The following TBRG4 variants were observed in gnomAD, a reference collection of about 807,000 sequenced individuals.
TBRG4 encodes the protein FAST kinase domain-containing protein 4.
In TBRG4, 43 loss-of-function variants were observed where a neutral mutation model predicts 65.6. The ratio of observed to expected loss-of-function variants is 0.66; its 90% CI spans 0.51 to 0.85. The LOEUF (loss-of-function observed/expected upper bound fraction) is 0.85, where lower values mean the gene tolerates loss of function less well. Among genes scored for constraint, TBRG4 ranks in the 40% least tolerant of loss-of-function variants. The pLI is 0.00. For missense variants in TBRG4, 709 were observed against 787.9 expected (o/e 0.90, Z 1.20); for synonymous variants, 366 against 341.4 (o/e 1.07, Z -0.79).
In TBRG4 at chr7:45,103,802, T is replaced by C. The variant is rs564816671; in HGVS notation, c.1065+297A>G. 62 of 531,126 alleles carry C rather than the reference T, an allele frequency of 1.2e-4. 1 individual carries two copies. The highest frequency in any genetic ancestry group is 8.9e-4 in the African/African-American group (47 of 52,942). 32.9% of individuals were successfully genotyped at this position (531,126 alleles called of 1,614,324 possible). On this transcript the variant is annotated intron_variant, in intron 5 of 10. Transcript: ENST00000258770. Reference sequence around the variant, plus strand: ...TTTGCGAGGGGGATCAGTGATTCAGTAGACAGTTCTCAGTGGATTCTCAGT... The same window carrying C: ...TTTGCGAGGGGGATCAGTGATTCAGCAGACAGTTCTCAGTGGATTCTCAGT...
rs911338246 is a variant in TBRG4, at chr7:45,103,932, AGAACT to A, written c.1065+162_1065+166del. 3 of 939,338 alleles carry A rather than the reference AGAACT, an allele frequency of 3.2e-6. No homozygotes were observed. In the African/African-American group the frequency reaches 5.0e-5, roughly 16 times the overall value. The allele number at this position is 939,338 out of a possible 1,614,324, so 58.2% of individuals were successfully genotyped here. On this transcript the variant is annotated intron_variant, in intron 5 of 10. Coordinates refer to ENST00000258770, the MANE Select transcript of TBRG4 (RefSeq NM_004749.4). ...GAAACAGTTCTCAAACACTTTTTTG[AGAACT>A]GAATAGCAGCCCTTTCAAAATAAGC... is the stretch of plus-strand genomic sequence containing the variant.
At chr7:45,111,531 TCCCAGCCTG>T in intron 1 of TBRG4, 103 bp downstream of exon 1, 1 of 1,217,072 alleles carries the variant, frequency 8.2e-7, no homozygotes, top group South Asian at 1.3e-5. Flanking sequence ...TCCCACCGCG[TCCCAGCCTG>T]CTCCCCAGTT....
intron 3 of TBRG4, 117 bp from the exon 4 acceptor site, chr7:45,104,826 T>C (rs1784886485): frequency 6.8e-7 from 1 of 1,468,012 alleles, no homozygotes; most frequent in African/African-American, 1.4e-5. Context: ...CCTGTCAGAC[T>C]GGGCCTGAGC....
At chr7:45,109,499 C>T (rs1785063294) in intron 1 of TBRG4, among the ~76,000 whole-genome samples, 1 of 152,218 alleles carries the variant, frequency 6.6e-6, no homozygotes, top group Admixed American at 6.5e-5. Context: ...AACTCAGGAA[C>T]ATTACAGCCT....
Position 45,105,755 on chromosome 7 carries a change from C to T in TBRG4, c.421G>A (p.Val141Ile), listed in dbSNP as rs1784932251. 8 of 1,606,088 alleles carry T rather than the reference C, an allele frequency of 5.0e-6. No homozygotes were observed. The highest frequency in any genetic ancestry group is 6.8e-6 in the Non-Finnish European group (8 of 1,174,790). The change falls in exon 3 of 11, where the codon GTC becomes ATC. Residue 141 changes from valine (V) to isoleucine (I), a missense_variant. Val to Ile is a conservative substitution (Grantham distance 29, BLOSUM62 3). Transcript: ENST00000258770. ...AGCTTCGAGAGGGTACCATGCCAGA[C>T]CGAGGCAATCTAGGCAGAGAAAGGA... ...LCLLNSQIASVWHGTLSKLLG... is the reference protein window; with the variant it reads ...LCLLNSQIASIWHGTLSKLLG...
chr7:45,103,168 A>C, intron 6 of TBRG4, 165 bp downstream of exon 6: 1 of 643,958 alleles, frequency 1.6e-6, no homozygotes, highest in Non-Finnish European at 2.8e-6. Flanking sequence ...GTTCTCAGTA[A>C]TCCCTAGGAT....
At chr7:45,102,568 C>T (rs1784803488) in intron 6 of TBRG4, 77 bp from the exon 7 acceptor site, 4 of 1,554,678 alleles carry the variant, frequency 2.6e-6, no homozygotes, top group Non-Finnish European at 3.5e-6. Context: ...AGACACAATC[C>T]ATGATGTGGT....
rs17452697 is a variant in TBRG4, at chr7:45,101,366, C to T, written c.1686G>A (p.Ala562=). The change falls in exon 10 of 11, where the codon GCG becomes GCA. Residue 562 remains alanine (A), a synonymous_variant. Coordinates refer to ENST00000258770, the MANE Select transcript of TBRG4 (RefSeq NM_004749.4). ...AGTTGGGGAACTCCCACCGCAAGAA[C>T]GCTAGCCTGGAAGGAAGAAGAGGTG... ...QSPPPGSKRL[A]FLRWEFPNFN... 7.7e-3 allele frequency: 12,395 copies of T among 1,613,930 alleles called. 114 individuals carry two copies. Among genetic ancestry groups the T allele is most frequent in the South Asian group, 0.027 (2,472 of 91,076 alleles).
Position 45,102,461 on chromosome 7 carries a change from C to T in TBRG4, c.1207G>A (p.Gly403Ser). The change falls in exon 7 of 11, where the codon GGC (glycine) becomes AGC (serine). Residue 403 changes from glycine (G) to serine (S), a missense_variant. By Grantham distance (56) the Gly-to-Ser change is moderately conservative. Coordinates refer to ENST00000258770, the MANE Select transcript of TBRG4 (RefSeq NM_004749.4). ...TCCACCTGCAGGGCTGGCTCCAGGC[C>T]TGGCAGCTCTGACCCCAGCTTCTCA... ...VHEKLGSELP[G>S]LEPALQVDLV... 1.2e-6 allele frequency: 2 copies of T among 1,612,418 alleles called. No homozygotes were observed. The highest frequency in any genetic ancestry group is 1.1e-5 in the South Asian group (1 of 91,052).
chr7:45,102,539 C>T, intron 6 of TBRG4, 48 bp from the exon 7 acceptor site: 1 of 1,587,042 alleles, frequency 6.3e-7, no homozygotes, highest in Non-Finnish European at 8.5e-7. Flanking sequence ...TCCTTAGGGG[C>T]TGCAAATAGC....
rs549630461 is a variant in TBRG4, at chr7:45,100,288, C to T, written c.*37G>A. 31 of 1,580,554 alleles carry T rather than the reference C, an allele frequency of 2.0e-5. No individual in the cohort carries two copies. Among genetic ancestry groups the T allele is most frequent in the African/African-American group, 9.4e-5 (7 of 74,538 alleles). ...TCTTGGCCGCCCACAGCTAGACCTC[C>T]GGCGGAGAGGCACGCAGTCCATGCT... On this transcript the variant is annotated 3_prime_UTR_variant, in exon 11 of 11. Coordinates refer to ENST00000258770, the MANE Select transcript of TBRG4 (RefSeq NM_004749.4).
chr7:45,103,261 G>T, intron 6 of TBRG4, 72 bp downstream of exon 6: 2 of 1,290,162 alleles, frequency 1.6e-6, no homozygotes, highest in Non-Finnish European at 2.2e-6. Context: ...AGCTGATCTT[G>T]GGAGGACGGT....
In TBRG4 at chr7:45,101,922, G is replaced by A. The variant is rs764907052; in HGVS notation, c.1470C>T (p.Thr490=). 2.1e-5 allele frequency: 34 copies of A among 1,610,694 alleles called. No individual in the cohort carries two copies. Among genetic ancestry groups the A allele is most frequent in the Non-Finnish European group, 2.8e-5 (33 of 1,178,944 alleles). ...TCTCCTGCAGCTCCTTTTGCAGGGGGGTCACCTTCCTGTCAAGGGCTGAGG... is the reference window on the plus strand; with the variant it reads ...TCTCCTGCAGCTCCTTTTGCAGGGGAGTCACCTTCCTGTCAAGGGCTGAGG... The part of the protein sequence containing the change: ...PGPSALDRKV[T]PLQKELQETL... Residue 490 remains threonine (T), a synonymous_variant, in exon 8 of 11, where the codon ACC becomes ACT. Transcript: ENST00000258770.
chr7:45,103,106 A>AC lies in TBRG4; in HGVS notation c.1176+226dup, dbSNP rs1584026511. On this transcript the variant is annotated intron_variant, in intron 6 of 10. Transcript: ENST00000258770. ...CATTAAAAGGAGCACCAGAGGCAGG[A>AC]CCCCCCAGCGCTGCCTGGCAGGGCA... The AC allele has an allele frequency of 9.6e-5, 55 of 574,978 alleles. 1 individual carries two copies. The East Asian group carries it at 1.5e-3, about 16-fold the overall frequency. 35.6% of individuals were successfully genotyped at this position (574,978 alleles called of 1,614,324 possible).
chr7:45,103,261 G>C (rs1374014677), intron 6 of TBRG4, 72 bp downstream of exon 6: 1 of 1,290,044 alleles, frequency 7.8e-7, no homozygotes, highest in Non-Finnish European at 1.1e-6. Flanking sequence ...AGCTGATCTT[G>C]GGAGGACGGT....
At chr7:45,101,201 C>T in intron 10 of TBRG4, 57 bp downstream of exon 10, 1 of 1,549,194 alleles carries the variant, frequency 6.5e-7, no homozygotes, top group Non-Finnish European at 8.8e-7. Context: ...GATCCCCTCT[C>T]TAGCGTGGGT....
intron 6 of TBRG4, 63 bp downstream of exon 6, chr7:45,103,270 G>T: frequency 7.2e-7 from 1 of 1,382,634 alleles, no homozygotes; most frequent in Non-Finnish European, 1.0e-6. Context: ...TGGGAGGACG[G>T]TTCATGAGCC....
At position 45,105,514 on chromosome 7, in the gene TBRG4, G is replaced by C. The variant is rs1246895319; in HGVS notation, c.662C>G (p.Ser221Cys). ...LERRWTEIEDSHTLVTVMMKV... is the reference protein window; with the variant it reads ...LERRWTEIEDCHTLVTVMMKV... ...CATCATGACGGTCACTAATGTGTGG[G>C]AATCTTCAATTTCTGTCCAACGCCT... Residue 221 changes from serine to cysteine, a missense_variant, in exon 3 of 11, where the codon TCC (serine) becomes TGC (cysteine). Physicochemically the swap from Ser to Cys is moderately radical, Grantham distance 112. Coordinates refer to ENST00000258770, the MANE Select transcript of TBRG4 (RefSeq NM_004749.4). 10 of 1,614,068 alleles carry C rather than the reference G, an allele frequency of 6.2e-6. No individual in the cohort carries two copies. Among genetic ancestry groups the C allele is most frequent in the African/African-American group, 1.3e-5 (1 of 74,948 alleles).
intron 10 of TBRG4, 88 bp downstream of exon 10, chr7:45,101,170 C>T (rs901087450): frequency 1.5e-6 from 2 of 1,347,966 alleles, no homozygotes; most frequent in Non-Finnish European, 2.1e-6. Flanking sequence ...TGTGTCTATA[C>T]CTGCTGGCTC....
Sources: gnomAD v4.1 joint callset for allele counts (sites outside exome capture counted in the v4.1 genomes callset) on GRCh38, gnomAD v4.1.1 for gene constraint, MANE v1.5 for transcripts, NCBI Gene and HGNC (gene_info 2026-07-23, HGNC 2026-07-21) for gene names.